The following GRM3 variants were observed in gnomAD, a reference collection of about 807,000 sequenced individuals.
GRM3 encodes glutamate metabotropic receptor 3, also known as metabotropic glutamate receptor 3.
In GRM3, 26 loss-of-function variants were observed where a neutral mutation model predicts 70.5. That is an observed-to-expected ratio of 0.37 (90% confidence interval 0.27 to 0.51). The LOEUF is 0.51. Among genes scored for constraint, GRM3 ranks in the 20% least tolerant of loss-of-function variants. GRM3 has a pLI of 0.93. For missense variants in GRM3, 859 were observed against 1,123.8 expected, an observed-to-expected ratio of 0.76 and a Z score of 3.37; for synonymous variants, 443 against 434.9, an observed-to-expected ratio of 1.02 and a Z score of -0.23.
Position 86,644,684 on chromosome 7 carries a change from C to A in GRM3, c.-329C>A. The A allele has an allele frequency of 2.8e-6, 2 of 718,476 alleles. No homozygotes were observed. The highest frequency in any genetic ancestry group is 4.3e-6 in the Non-Finnish European group (2 of 466,208). 44.5% of individuals were successfully genotyped at this position (718,476 alleles called of 1,614,324 possible). A position where few individuals can be genotyped will look rare whatever the true frequency, so the allele number is the denominator to read the frequency against. The stretch of plus-strand genomic sequence containing the variant: ...CAGGGGGCACTGTGACAGGAAGCTG[C>A]GCGCACAAGTTGGCCATTTCGAGGG... On this transcript the variant is annotated 5_prime_UTR_variant, in exon 1 of 6. Transcript: ENST00000361669.
chr7:86,764,934 G>T, intron 1 of GRM3, 72 bp from the exon 2 acceptor site: 1 of 1,096,862 alleles, frequency 9.1e-7, no homozygotes, highest in Non-Finnish European at 1.2e-6. Context: ...TTAAAGGTCT[G>T]ATTGGGCATG....
chr7:86,830,863 A>G (rs190383621), intron 3 of GRM3, among the ~76,000 whole-genome samples: 18 of 152,306 alleles, frequency 1.2e-4, no homozygotes, highest in African/African-American at 4.3e-4. Context: ...CCAGTCCAAT[A>G]TGGCTGGTGT....
chr7:86,838,462 C>T (rs929391406), intron 3 of GRM3, among the ~76,000 whole-genome samples: 9 of 151,980 alleles, frequency 5.9e-5, no homozygotes, highest in East Asian at 5.8e-4. Flanking sequence ...TAAATAAATA[C>T]GTAATAAGAA....
chr7:86,795,787 G>C (rs1797534924), intron 3 of GRM3, among the ~76,000 whole-genome samples: 1 of 152,152 alleles, frequency 6.6e-6, no homozygotes, highest in African/African-American at 2.4e-5. Flanking sequence ...GGGTCAAATG[G>C]TATTTCTGGT....
In GRM3 at chr7:86,781,541, C is replaced by T. The variant is rs1003989751; in HGVS notation, c.469-4720C>T. On this transcript the variant is annotated intron_variant, in intron 2 of 5. Coordinates refer to ENST00000361669, the MANE Select transcript of GRM3 (RefSeq NM_000840.3). The stretch of plus-strand genomic sequence containing the variant: ...TTCCTATATAATATCACCTTGTTTC[C>T]TGAGAGGGAAACTAGTCCTTTGAGA... 1.4e-4 allele frequency among the ~76,000 whole-genome samples: 21 copies of T among 152,088 alleles called. No individual in the cohort carries two copies. In the East Asian group the frequency reaches 2.3e-3, roughly 17 times the overall value.
At chr7:86,796,925 A>G (rs887351556) in intron 3 of GRM3, among the ~76,000 whole-genome samples, 1 of 152,174 alleles carries the variant, frequency 6.6e-6, no homozygotes, top group African/African-American at 2.4e-5. Flanking sequence ...TGAAGGTTTT[A>G]TAAAAGGGCA....
At chr7:86,767,530 T>TATATATATATATATATATATATATGA (rs1796633217) in intron 2 of GRM3, among the ~76,000 whole-genome samples, 3 of 63,728 alleles carry the variant, frequency 4.7e-5, no homozygotes, top group Non-Finnish European at 3.0e-5. Flanking sequence ...TATATATATA[T>TATATATATATATATATATATATATGA]ATATATATAT....
At chr7:86,687,003 T>C (rs1028768442) in intron 1 of GRM3, among the ~76,000 whole-genome samples, 1 of 151,756 alleles carries the variant, frequency 6.6e-6, no homozygotes, top group African/African-American at 2.4e-5. Context: ...ATTGGAAACA[T>C]CAGAATAGAT....
rs147169030 is a variant in GRM3 at position 86,673,161 on chromosome 7, G to C, written c.-141+28289G>C. On this transcript the variant is annotated intron_variant, in intron 1 of 5. Transcript: ENST00000361669. Reference sequence around the variant, plus strand: ...TCACTTACATCAAAGGCATGACTGAGCACTCAGCACAACCTATCCATTCCC... The same window carrying C: ...TCACTTACATCAAAGGCATGACTGACCACTCAGCACAACCTATCCATTCCC... Among the ~76,000 whole-genome samples, 16 of 152,202 alleles carry C rather than the reference G, an allele frequency of 1.1e-4. No individual in the cohort carries two copies. The East Asian group carries it at 2.5e-3, about 24-fold the overall frequency.
intron 5 of GRM3, among the ~76,000 whole-genome samples, chr7:86,860,332 T>C (rs114800033): frequency 6.6e-6 from 1 of 152,134 alleles, no homozygotes; most frequent in East Asian, 1.9e-4. Context: ...AAAATATTTA[T>C]GAAAAGCAAA....
chr7:86,750,625 G>T (rs1257505941), intron 1 of GRM3, among the ~76,000 whole-genome samples: 1 of 151,880 alleles, frequency 6.6e-6, no homozygotes. Flanking sequence ...AGAGATATTT[G>T]CATCGTTCAA....
At chr7:86,822,058 C>T (rs80040487) in intron 3 of GRM3, among the ~76,000 whole-genome samples, 3,117 of 152,064 alleles carry the variant, frequency 0.02, 95 homozygotes, top group African/African-American at 0.071. Context: ...AACTACAACG[C>T]TGATTGTGCC....
At chr7:86,646,623 G>C (rs544058000) in intron 1 of GRM3, among the ~76,000 whole-genome samples, 4 of 152,126 alleles carry the variant, frequency 2.6e-5, no homozygotes, top group African/African-American at 9.6e-5. Context: ...TATATATCTA[G>C]GTATAAAACT....
intron 1 of GRM3, among the ~76,000 whole-genome samples, chr7:86,742,898 A>G (rs1562845344): frequency 1.3e-5 from 2 of 152,154 alleles, no homozygotes; most frequent in South Asian, 2.1e-4. Context: ...GGTATTTACT[A>G]TATGTGACTT....
intron 1 of GRM3, among the ~76,000 whole-genome samples, chr7:86,662,316 G>C (rs1303871881): frequency 6.6e-6 from 1 of 151,550 alleles, no homozygotes; most frequent in African/African-American, 2.4e-5. Flanking sequence ...GCCATGTCCT[G>C]GTCATTTCTT....
chr7:86,814,120 A>G (rs545448585), intron 3 of GRM3, among the ~76,000 whole-genome samples: 67 of 152,016 alleles, frequency 4.4e-4, no homozygotes, highest in African/African-American at 1.6e-3. Flanking sequence ...CCTATGCCTT[A>G]GAGTTAGCAC....
intron 1 of GRM3, among the ~76,000 whole-genome samples, chr7:86,647,387 T>A (rs545503383): frequency 1.3e-5 from 2 of 152,156 alleles, no homozygotes; most frequent in Admixed American, 1.3e-4. Flanking sequence ...AATTTTCCAA[T>A]TGTTTTCCTG....
Position 86,783,922 on chromosome 7 carries a change from A to G in GRM3, c.469-2339A>G, listed in dbSNP as rs1379701620. Among the ~76,000 whole-genome samples the G allele has an allele frequency of 2.6e-5, 4 of 152,226 alleles. No homozygotes were observed. The East Asian group carries it at 5.8e-4, about 22-fold the overall frequency. ...TTCCAATTTCACGTTTCAACTCACC[A>G]AATGTGCCTCCTTTTTCTAGAGTCA... On this transcript the variant is annotated intron_variant, in intron 2 of 5. Transcript: ENST00000361669.
chr7:86,836,591 G>A (rs1798461509), intron 3 of GRM3, among the ~76,000 whole-genome samples: 1 of 152,080 alleles, frequency 6.6e-6, no homozygotes. Flanking sequence ...GTGAGGTTTG[G>A]ATAAAGCAGT....
Sources: allele counts gnomAD v4.1 joint callset (sites outside exome capture counted in the v4.1 genomes callset), GRCh38; gene constraint gnomAD v4.1.1; transcripts MANE v1.5; gene names NCBI Gene and HGNC (gene_info 2026-07-23, HGNC 2026-07-21).